The following C10orf67 variants were observed in gnomAD, a reference collection of about 807,000 sequenced individuals.
The protein encoded by C10orf67 is uncharacterized protein C10orf67, mitochondrial.
A neutral mutation model predicts 35.6 loss-of-function variants in C10orf67; 60 were observed. The observed-to-expected ratio is 1.68, with a 90% CI of 1.37 to 2.09. C10orf67 has a LOEUF of 2.09. Ranked by LOEUF, C10orf67 falls within the 30% of genes most tolerant of loss-of-function variation. The pLI is 0.00. For missense variants in C10orf67, 474 were observed against 330.2 expected (o/e 1.44, Z -3.38); for synonymous variants, 167 against 115.8 (o/e 1.44, Z -2.84).
At chr10:23,251,353 C>T (rs561289845) in intron 10 of C10orf67, among the ~76,000 whole-genome samples, 12 of 152,306 alleles carry the variant, frequency 7.9e-5, no homozygotes, top group East Asian at 1.9e-4. Context: ...TCCATCTCTT[C>T]GTCATAGGCA....
rs369919091 is a variant in C10orf67 at position 23,277,966 on chromosome 10, A to G, written c.975+4047T>C. On this transcript the variant is annotated intron_variant, in intron 8 of 15. Transcript: ENST00000636213. ...GGTGAAGGGGGAGCAGGTGTCTCAC[A>G]TGGTGGGAGCAGGAGCGAGAGAGAG... 2.0e-3 allele frequency among the ~76,000 whole-genome samples: 303 copies of G among 152,212 alleles called. 1 individual carries two copies. Among genetic ancestry groups the G allele is most frequent in the South Asian group, 0.017 (83 of 4,814 alleles).
chr10:23,302,156 G>T (rs576375009), intron 5 of C10orf67, among the ~76,000 whole-genome samples: 30 of 151,888 alleles, frequency 2.0e-4, no homozygotes, highest in Non-Finnish European at 3.2e-4. Flanking sequence ...CCCAAAGAGG[G>T]TAGCCCTCTA....
intron 2 of C10orf67, among the ~76,000 whole-genome samples, chr10:23,328,280 C>T (rs141256942): frequency 4.8e-4 from 73 of 152,174 alleles, no homozygotes; most frequent in African/African-American, 1.4e-3. Context: ...CGGCAATGTG[C>T]ATAGCTAAAA....
At chr10:23,225,380 A>G (rs1486564773) in intron 13 of C10orf67, among the ~76,000 whole-genome samples, 1 of 152,146 alleles carries the variant, frequency 6.6e-6, no homozygotes, top group African/African-American at 2.4e-5. Context: ...TGCTAAACAT[A>G]GAAAGGAACA....
intron 8 of C10orf67, among the ~76,000 whole-genome samples, chr10:23,278,420 T>G (rs764577810): frequency 1.2e-4 from 18 of 152,328 alleles, no homozygotes; most frequent in Non-Finnish European, 2.4e-4. Flanking sequence ...GTTAAGCCAT[T>G]CTCAAATAAA....
At chr10:23,218,889 A>G (rs985064171) in intron 15 of C10orf67, among the ~76,000 whole-genome samples, 4 of 152,256 alleles carry the variant, frequency 2.6e-5, no homozygotes, top group Admixed American at 2.6e-4. Context: ...TATAGCTGAC[A>G]GCCTAGAGAC....
intron 8 of C10orf67, among the ~76,000 whole-genome samples, chr10:23,276,246 G>A (rs550338680): frequency 2.0e-5 from 3 of 152,186 alleles, no homozygotes; most frequent in African/African-American, 7.2e-5. Context: ...CATTACTAGT[G>A]GGAACAGACA....
chr10:23,226,599 C>A (rs1481429211), intron 13 of C10orf67, among the ~76,000 whole-genome samples: 1 of 152,040 alleles, frequency 6.6e-6, no homozygotes, highest in Non-Finnish European at 1.5e-5. Flanking sequence ...CAGAGCAGAA[C>A]TGAAGGAGAT....
chr10:23,316,639 C>G (rs965955388), intron 4 of C10orf67: 1 of 152,406 alleles, frequency 6.6e-6, no homozygotes, highest in Non-Finnish European at 1.5e-5. Context: ...TGCAGGAGAT[C>G]TGAAGTGGGT....
At chr10:23,311,274 C>A (rs1428555787) in intron 4 of C10orf67, among the ~76,000 whole-genome samples, 2 of 152,212 alleles carry the variant, frequency 1.3e-5, no homozygotes, top group Admixed American at 1.3e-4. Flanking sequence ...CCAGCCTAAT[C>A]ATGTGACCAC....
At chr10:23,231,753 A>T (rs1800697796) in intron 13 of C10orf67, among the ~76,000 whole-genome samples, 2 of 152,324 alleles carry the variant, frequency 1.3e-5, no homozygotes, top group South Asian at 2.1e-4. Flanking sequence ...AACCAACCTA[A>T]GTGTTGATGA....
chr10:23,344,698 G>A lies in C10orf67; in HGVS notation c.77C>T (p.Ser26Phe). 6.3e-7 allele frequency: 1 copy of A among 1,575,756 alleles called. No homozygotes were observed. Among genetic ancestry groups the A allele is most frequent in the East Asian group, 2.3e-5 (1 of 42,646 alleles). Residue 26 changes from serine to phenylalanine, a missense_variant, in exon 1 of 16, where the codon TCC becomes TTC. Coordinates refer to ENST00000636213, the MANE Select transcript of C10orf67 (RefSeq NM_001371909.1). ...VIRWVHCFSS[S>F]LRGTFGTRWE... ...GCGTGTGCCAAAGGTCCCCCTCAAG[G>A]AGGAGGAAAAGCAGTGAACCCATCT...
At chr10:23,229,621 G>A (rs1441354559) in intron 13 of C10orf67, among the ~76,000 whole-genome samples, 3 of 151,896 alleles carry the variant, frequency 2.0e-5, no homozygotes, top group African/African-American at 7.3e-5. Flanking sequence ...ATGGTAAAAT[G>A]TTCAATTTCC....
At chr10:23,207,690 A>G (rs926332570) in intron 15 of C10orf67, among the ~76,000 whole-genome samples, 1 of 152,216 alleles carries the variant, frequency 6.6e-6, no homozygotes, top group Non-Finnish European at 1.5e-5. Context: ...AAAGGGCTGG[A>G]TGTCCATTGG....
rs1256076908 is a variant in C10orf67 at position 23,215,932 on chromosome 10, T to C, written c.1570+7666A>G. Among the ~76,000 whole-genome samples, 4 of 152,192 alleles carry C rather than the reference T, an allele frequency of 2.6e-5. No individual in the cohort carries two copies. In the East Asian group the frequency reaches 7.7e-4, roughly 29 times the overall value. Reference sequence around the variant, plus strand: ...TGTTATAAAAACTTTCAGCGCCTGCTATAGAAGAGAACTTTAGTGACTTGA... The same window carrying C: ...TGTTATAAAAACTTTCAGCGCCTGCCATAGAAGAGAACTTTAGTGACTTGA... On this transcript the variant is annotated intron_variant, in intron 15 of 15. Coordinates refer to ENST00000636213, the MANE Select transcript of C10orf67 (RefSeq NM_001371909.1).
At chr10:23,255,461 C>G (rs1200110318) in intron 10 of C10orf67, among the ~76,000 whole-genome samples, 1 of 152,174 alleles carries the variant, frequency 6.6e-6, no homozygotes, top group Non-Finnish European at 1.5e-5. Flanking sequence ...CTATATGCAA[C>G]TCTCAAGCAT....
intron 6 of C10orf67, among the ~76,000 whole-genome samples, chr10:23,290,344 T>C (rs566688702): frequency 6.6e-6 from 1 of 152,342 alleles, no homozygotes; most frequent in South Asian, 2.1e-4. Context: ...AATGAGACTA[T>C]ACTGGCATGG....
At chr10:23,268,755 G>A (rs555380155) in intron 8 of C10orf67, among the ~76,000 whole-genome samples, 1 of 152,346 alleles carries the variant, frequency 6.6e-6, no homozygotes, top group South Asian at 2.1e-4. Flanking sequence ...TGTACTTACA[G>A]AAATATAGGT....
At chr10:23,240,013 C>G (rs1163031997) in intron 12 of C10orf67, among the ~76,000 whole-genome samples, 197 bp from the exon 13 acceptor site, 2 of 152,018 alleles carry the variant, frequency 1.3e-5, no homozygotes, top group African/African-American at 4.8e-5. Flanking sequence ...GGTGAAACCC[C>G]ATCTTTACAA....
Sources: allele counts gnomAD v4.1 joint callset (sites outside exome capture counted in the v4.1 genomes callset), GRCh38; gene constraint gnomAD v4.1.1; transcripts MANE v1.5; gene names NCBI Gene and HGNC (gene_info 2026-07-23, HGNC 2026-07-21).